SHTN1: variants seen among roughly 807,000 people sequenced by gnomAD.
SHTN1 encodes shootin-1.
A neutral mutation model predicts 83.1 loss-of-function variants in SHTN1; 42 were observed. The ratio of observed to expected loss-of-function variants is 0.51; its 90% confidence interval spans 0.39 to 0.65. SHTN1 has a LOEUF of 0.65. SHTN1 is among the 30% of genes least tolerant of loss of function. SHTN1 has a pLI of 0.00. For synonymous variants in SHTN1, 224 were observed against 247.7 expected, an observed-to-expected ratio of 0.90 and a Z score of 0.90; for missense variants, 622 against 737.8, an observed-to-expected ratio of 0.84 and a Z score of 1.82.
At chr10:116,960,896 T>C (rs1272909045) in intron 3 of SHTN1, among the ~76,000 whole-genome samples, 1 of 152,232 alleles carries the variant, frequency 6.6e-6, no homozygotes. Context: ...AAAATTTTAC[T>C]TGATATGTCA....
At chr10:117,045,775 G>C (rs2133584114) in intron 2 of SHTN1, among the ~76,000 whole-genome samples, 1 of 152,230 alleles carries the variant, frequency 6.6e-6, no homozygotes, top group South Asian at 2.1e-4. Flanking sequence ...GACAGAGTAA[G>C]CATCACAACC....
intron 1 of SHTN1, among the ~76,000 whole-genome samples, chr10:117,073,666 A>C (rs530380064): frequency 6.6e-6 from 1 of 152,274 alleles, no homozygotes; most frequent in Non-Finnish European, 1.5e-5. Context: ...GATTTGCTTT[A>C]ATTTTTAGCC....
At chr10:116,945,317 T>C (rs1849537176) in intron 7 of SHTN1, among the ~76,000 whole-genome samples, 1 of 152,210 alleles carries the variant, frequency 6.6e-6, no homozygotes, top group Non-Finnish European at 1.5e-5. Flanking sequence ...ACCTCATTGC[T>C]GATAAAAGTG....
At chr10:117,020,499 C>CA (rs375685514) in intron 2 of SHTN1, among the ~76,000 whole-genome samples, 6,205 of 109,336 alleles carry the variant, frequency 0.057, 369 homozygotes, top group African/African-American at 0.18. Flanking sequence ...GACTCCGTCT[C>CA]AAAAAAAAAA....
chr10:116,927,362 C>A (rs1848779000), intron 11 of SHTN1, among the ~76,000 whole-genome samples: 1 of 152,126 alleles, frequency 6.6e-6, no homozygotes, highest in South Asian at 2.1e-4. Context: ...ATACCCGAGA[C>A]TCGGTAATTA....
intron 1 of SHTN1, among the ~76,000 whole-genome samples, chr10:116,998,604 T>A (rs1476316978): frequency 6.6e-6 from 1 of 152,214 alleles, no homozygotes; most frequent in Non-Finnish European, 1.5e-5. Flanking sequence ...ATCCATGATT[T>A]CAGGCACCTA....
intron 1 of SHTN1, among the ~76,000 whole-genome samples, chr10:117,084,420 G>A (rs1204824564): frequency 6.6e-6 from 1 of 152,202 alleles, no homozygotes; most frequent in Non-Finnish European, 1.5e-5. Context: ...TGCGTACTGG[G>A]AGAACCACTG....
intron 1 of SHTN1, 132 bp downstream of exon 1, chr10:117,004,890 G>A (rs1851956611): frequency 5.8e-6 from 4 of 689,550 alleles, no homozygotes; most frequent in Admixed American, 3.4e-5. Context: ...TGCGGGTGAC[G>A]GAGCTACTGC....
chr10:116,941,558 T>C (rs1045902587), intron 8 of SHTN1, among the ~76,000 whole-genome samples: 1 of 152,234 alleles, frequency 6.6e-6, no homozygotes, highest in African/African-American at 2.4e-5. Flanking sequence ...GCTTCACCTT[T>C]TCAGATTTTT....
At chr10:116,923,579 A>G (rs1202147925) in intron 11 of SHTN1, among the ~76,000 whole-genome samples, 1 of 150,778 alleles carries the variant, frequency 6.6e-6, no homozygotes, top group African/African-American at 2.5e-5. Context: ...TTTTTGAGAC[A>G]GGGTCTCACT....
chr10:116,967,484 C>T (rs140982290), intron 3 of SHTN1, among the ~76,000 whole-genome samples: 4 of 152,286 alleles, frequency 2.6e-5, no homozygotes, highest in African/African-American at 9.6e-5. Flanking sequence ...TTCATGCATA[C>T]AACATGATGA....
Position 116,999,565 on chromosome 10 carries a change from T to C in SHTN1, c.58+5457A>G, listed in dbSNP as rs567610482. Among the ~76,000 whole-genome samples the C allele has an allele frequency of 4.6e-5, 7 of 152,350 alleles. No homozygotes were observed. The East Asian group carries it at 1.3e-3, about 29-fold the overall frequency. On this transcript the variant is annotated intron_variant, in intron 1 of 16. Transcript: ENST00000355371. ...GTCAGATAGAATAGTTAATTGTACT[T>C]TTCACTTTACACACTTGTTTTCTAT...
intron 2 of SHTN1, among the ~76,000 whole-genome samples, chr10:117,015,195 T>C (rs1213444852): frequency 6.6e-6 from 1 of 152,220 alleles, no homozygotes; most frequent in African/African-American, 2.4e-5. Context: ...TTAATTAACT[T>C]CTGTGTCACT....
intron 1 of SHTN1, among the ~76,000 whole-genome samples, chr10:117,093,146 T>C (rs1003371225): frequency 2.6e-5 from 4 of 152,164 alleles, no homozygotes; most frequent in Admixed American, 1.3e-4. Flanking sequence ...ACTGAGTATA[T>C]ACTACCATCA....
intron 3 of SHTN1, among the ~76,000 whole-genome samples, chr10:116,966,018 G>GT (rs1200272423): frequency 2.0e-5 from 3 of 151,718 alleles, no homozygotes; most frequent in East Asian, 3.9e-4. Flanking sequence ...TTTTTTTGGG[G>GT]TTTTTTTGAG....
intron 9 of SHTN1, among the ~76,000 whole-genome samples, chr10:116,939,495 C>A (rs1339549705): frequency 2.0e-5 from 3 of 152,224 alleles, no homozygotes; most frequent in Non-Finnish European, 2.9e-5. Flanking sequence ...ATGGGCTGCA[C>A]TCACTGTCCA....
chr10:116,991,675 C>T (rs1222304806), intron 1 of SHTN1, among the ~76,000 whole-genome samples: 2 of 152,100 alleles, frequency 1.3e-5, no homozygotes, highest in Non-Finnish European at 2.9e-5. Context: ...AGGGATCCAG[C>T]CCCATGACCC....
intron 2 of SHTN1, among the ~76,000 whole-genome samples, chr10:117,014,986 G>C (rs1852161180): frequency 6.6e-6 from 1 of 152,190 alleles, no homozygotes; most frequent in Non-Finnish European, 1.5e-5. Context: ...TGGGAAAGTT[G>C]TAACAGCACA....
chr10:116,901,469 T>A (rs1448795348), intron 16 of SHTN1: 1 of 984,962 alleles, frequency 1.0e-6, no homozygotes, highest in East Asian at 1.1e-4. Context: ...AAAGACTGAT[T>A]GTCTCCTGAC....
Sources: gnomAD v4.1 joint callset for allele counts (sites outside exome capture counted in the v4.1 genomes callset) on GRCh38, gnomAD v4.1.1 for gene constraint, MANE v1.5 for transcripts, NCBI Gene and HGNC (gene_info 2026-07-23, HGNC 2026-07-21) for gene names.